The following DHX57 variants were observed in gnomAD, a reference collection of about 807,000 sequenced individuals.
DHX57 encodes the protein DExH-box helicase 57, also known as putative ATP-dependent RNA helicase DHX57.
A neutral mutation model predicts 156.2 loss-of-function variants in DHX57; 105 were observed. The observed-to-expected ratio is 0.67, with a 90% CI of 0.57 to 0.79. DHX57 has a LOEUF of 0.79. DHX57 is among the 30% of genes least tolerant of loss of function. DHX57 has a pLI of 0.00. For missense variants in DHX57, 1,847 were observed against 1,661.9 expected (o/e 1.11, Z -1.94); for synonymous variants, 704 against 595.6 (o/e 1.18, Z -2.65).
At position 38,856,262 on chromosome 2, in the gene DHX57, A is replaced by C. The variant is rs111779738; in HGVS notation, c.1709+78T>G. The stretch of plus-strand genomic sequence containing the variant: ...ATAAATCCAGCTACAGTTTTTAACA[A>C]GTTCAACTGGTTATGGTAACCAGGG... On this transcript the variant is annotated intron_variant, in intron 7 of 23. Coordinates refer to ENST00000457308, the MANE Select transcript of DHX57 (RefSeq NM_198963.3). 111 of 1,526,178 alleles carry C rather than the reference A, an allele frequency of 7.3e-5. 4 individuals are homozygous for C. In the African/African-American group the frequency reaches 8.3e-4, roughly 11 times the overall value. The allele number at this position is 1,526,178 out of a possible 1,614,324, so 94.5% of individuals were successfully genotyped here. A position where few individuals can be genotyped will look rare whatever the true frequency, so the allele number is the denominator to read the frequency against.
intron 14 of DHX57, among the ~76,000 whole-genome samples, chr2:38,827,543 C>CAT (rs1671163042): frequency 1.9e-5 from 2 of 104,570 alleles, no homozygotes; most frequent in African/African-American, 7.4e-5. Flanking sequence ...TACACACATA[C>CAT]ATATATATAC....
chr2:38,822,608 T>C (rs1670881468), intron 17 of DHX57, among the ~76,000 whole-genome samples: 1 of 152,082 alleles, frequency 6.6e-6, no homozygotes, highest in Non-Finnish European at 1.5e-5. Flanking sequence ...TTGGCCAAGC[T>C]GGTCTCGAAC....
In DHX57 at chr2:38,813,899, TG is replaced by T; in HGVS notation, c.3607-5del. 6.2e-7 allele frequency: 1 copy of T among 1,612,724 alleles called. No homozygotes were observed. Among genetic ancestry groups the T allele is most frequent in the South Asian group, 1.1e-5 (1 of 91,072 alleles). On this transcript the variant is annotated splice_region_variant and splice_polypyrimidine_tract_variant and intron_variant, in intron 20 of 23. Transcript: ENST00000457308. ...GGTTCTCAGCATTTGAGTTTGCCTA[TG>T]AGAAAAGCACAGCATTAATTAACAA...
At chr2:38,809,468 T>TC (rs35455508) in intron 21 of DHX57, among the ~76,000 whole-genome samples, 71,459 of 146,704 alleles carry the variant, frequency 0.49, 18,530 homozygotes, top group East Asian at 0.8. Flanking sequence ...TTTTTTTTTT[T>TC]CTTTTTTTTT....
intron 21 of DHX57, among the ~76,000 whole-genome samples, chr2:38,808,485 G>C (rs1473111334): frequency 6.6e-6 from 1 of 151,898 alleles, no homozygotes; most frequent in East Asian, 1.9e-4. Context: ...CATAATTTTT[G>C]ATGGATATAT....
At chr2:38,855,353 A>G in intron 7 of DHX57, 101 bp from the exon 8 acceptor site, 1 of 1,280,662 alleles carries the variant, frequency 7.8e-7, no homozygotes, top group Non-Finnish European at 1.1e-6. Context: ...GCTAATTAGA[A>G]TAAAAGTTGT....
intron 5 of DHX57, among the ~76,000 whole-genome samples, chr2:38,859,771 T>C (rs967521720): frequency 1.3e-5 from 2 of 151,918 alleles, no homozygotes; most frequent in Admixed American, 6.6e-5. Flanking sequence ...ATACAAACTT[T>C]TGTTTCTCTG....
chr2:38,844,815 T>C lies in DHX57; in HGVS notation c.2220-1605A>G, dbSNP rs188516169. Among the ~76,000 whole-genome samples, 165 of 152,146 alleles carry C rather than the reference T, an allele frequency of 1.1e-3. 1 individual carries two copies. In the East Asian group the frequency reaches 0.029, roughly 27 times the overall value. ...GTAATAGTATGGCATCTTTCAGAAA[T>C]AACAAGTAGTCTGAGAGTGCTAAGG... On this transcript the variant is annotated intron_variant, in intron 11 of 23. Transcript: ENST00000457308.
chr2:38,832,434 C>G (rs1231560447), intron 13 of DHX57, among the ~76,000 whole-genome samples: 1 of 151,102 alleles, frequency 6.6e-6, no homozygotes, highest in African/African-American at 2.4e-5. Flanking sequence ...GAGACTCTGT[C>G]TCAAAAAAAA....
At chr2:38,838,855 A>G in intron 12 of DHX57, 1 of 445,570 alleles carries the variant, frequency 2.2e-6, no homozygotes, top group South Asian at 1.6e-5. Flanking sequence ...CCCACTCACA[A>G]TCTCCTAATC....
intron 1 of DHX57, among the ~76,000 whole-genome samples, chr2:38,872,634 G>A (rs1665406647): frequency 6.6e-6 from 1 of 152,158 alleles, no homozygotes; most frequent in Admixed American, 6.5e-5. Flanking sequence ...ACTAGAGATA[G>A]GGATATTTCT....
At chr2:38,837,730 G>A (rs1313969616) in intron 13 of DHX57, 101 bp downstream of exon 13, 4 of 734,016 alleles carry the variant, frequency 5.4e-6, no homozygotes, top group African/African-American at 1.7e-5. Context: ...TAGCCTGTGT[G>A]CAGAGTCTGC....
chr2:38,856,040 G>A (rs1299874062), intron 7 of DHX57, among the ~76,000 whole-genome samples: 1 of 152,108 alleles, frequency 6.6e-6, no homozygotes, highest in Non-Finnish European at 1.5e-5. Flanking sequence ...GAACCCAGGA[G>A]GCAAAGGTTG....
At chr2:38,817,545 G>A (rs1163965541) in intron 19 of DHX57, among the ~76,000 whole-genome samples, 1 of 151,882 alleles carries the variant, frequency 6.6e-6, no homozygotes, top group Non-Finnish European at 1.5e-5. Context: ...TGAACTCCTG[G>A]CCTCAAGTGA....
intron 6 of DHX57, among the ~76,000 whole-genome samples, chr2:38,857,641 A>C (rs1305619260): frequency 6.6e-6 from 1 of 152,212 alleles, no homozygotes; most frequent in African/African-American, 2.4e-5. Flanking sequence ...AGAGCATTTA[A>C]TCCAATTCCC....
chr2:38,821,743 T>C (rs968538815), intron 17 of DHX57, among the ~76,000 whole-genome samples: 1 of 151,538 alleles, frequency 6.6e-6, no homozygotes, highest in African/African-American at 2.4e-5. Context: ...ACAAAGAAAA[T>C]TGACAAATCT....
At chr2:38,874,721 T>C (rs535816493) in intron 1 of DHX57, among the ~76,000 whole-genome samples, 2 of 152,180 alleles carry the variant, frequency 1.3e-5, no homozygotes, top group Non-Finnish European at 2.9e-5. Context: ...AAATACTGTA[T>C]TTTCAATCTG....
chr2:38,807,236 G>A (rs1256033592), intron 21 of DHX57, among the ~76,000 whole-genome samples: 2 of 151,976 alleles, frequency 1.3e-5, no homozygotes, highest in Admixed American at 6.6e-5. Context: ...TGTATTTTTA[G>A]TAGACATGTG....
chr2:38,858,561 C>T, intron 6 of DHX57, 100 bp downstream of exon 6: 1 of 1,435,450 alleles, frequency 7.0e-7, no homozygotes, highest in East Asian at 2.4e-5. Context: ...GAAAAAGAAC[C>T]AGAAGAATTT....
Sources: allele counts gnomAD v4.1 joint callset (sites outside exome capture counted in the v4.1 genomes callset), GRCh38; gene constraint gnomAD v4.1.1; transcripts MANE v1.5; gene names NCBI Gene and HGNC (gene_info 2026-07-23, HGNC 2026-07-21).